Variants in PAPLN observed in about 807,000 individuals in gnomAD.
PAPLN encodes papilin, proteoglycan like sulfated glycoprotein.
PAPLN carries 146 observed loss-of-function variants against 159.0 expected under a neutral mutation model. The observed-to-expected ratio is 0.92, with a 90% CI of 0.80 to 1.05. The LOEUF is 1.05. PAPLN is among the 50% of genes least tolerant of loss of function. The pLI is 0.00. For synonymous variants in PAPLN, 734 were observed against 702.9 expected (o/e 1.04, Z -0.70); for missense variants, 1,720 against 1,743.9 (o/e 0.99, Z 0.24).
rs868053708 is a variant in PAPLN, at chr14:73,259,382, C to T, written c.1822C>T (p.Pro608Ser). The change falls in exon 16 of 27, where the codon CCC (proline) becomes TCC (serine). Residue 608 changes from proline to serine, a missense_variant. Transcript: ENST00000644200. ...AGGCACCCACCTGTCAGCCCTGGGC[C>T]CCGCTCCCTCTCTGCAGCAGCCCCC... Reference protein sequence around the residue: ...DQGTHLSALGPAPSLQQPPYQ... With the variant: ...DQGTHLSALGSAPSLQQPPYQ... 9 of 1,612,676 alleles carry T rather than the reference C, an allele frequency of 5.6e-6. No individual in the cohort carries two copies. The highest frequency in any genetic ancestry group is 6.8e-6 in the Non-Finnish European group (8 of 1,179,440).
intron 12 of PAPLN, 138 bp from the exon 13 acceptor site, chr14:73,254,375 G>A: frequency 9.5e-7 from 1 of 1,048,554 alleles, no homozygotes; most frequent in South Asian, 1.5e-5. Context: ...GAGTGAGTCA[G>A]CCTCTCTGGG....
chr14:73,248,075 C>CTG (rs71112722), intron 5 of PAPLN, among the ~76,000 whole-genome samples: 1,729 of 45,564 alleles, frequency 0.038, 133 homozygotes, highest in South Asian at 0.049. Context: ...CTCATATCCT[C>CTG]TGTGTGTGTG....
chr14:73,263,505 C>G, intron 19 of PAPLN, 140 bp from the exon 20 acceptor site: 1 of 1,063,958 alleles, frequency 9.4e-7, no homozygotes, highest in Non-Finnish European at 1.4e-6. Flanking sequence ...TGGGGCTCTG[C>G]CTCCCATAGG....
At chr14:73,264,164 G>A (rs2140296402) in intron 20 of PAPLN, 47 bp from the exon 21 acceptor site, 2 of 1,610,080 alleles carry the variant, frequency 1.2e-6, no homozygotes, top group East Asian at 4.5e-5. Context: ...ACTCACTGTT[G>A]CCCTTGGGAG....
chr14:73,270,793 G>T (rs972788925), intron 26 of PAPLN, among the ~76,000 whole-genome samples: 2 of 152,182 alleles, frequency 1.3e-5, no homozygotes, highest in African/African-American at 4.8e-5. Flanking sequence ...GGACAGACAT[G>T]GCCTCAGTCT....
At position 73,245,159 on chromosome 14, in the gene PAPLN, C is replaced by A; in HGVS notation, c.170+400C>A. The A allele has an allele frequency of 4.9e-6, 1 of 205,974 alleles. No homozygotes were observed. Among genetic ancestry groups the A allele is most frequent in the Non-Finnish European group, 9.9e-6 (1 of 100,550 alleles). The allele number at this position is 205,974 out of a possible 1,614,324, so 12.8% of individuals were successfully genotyped here. ...AATGCTTGCTGTGTGTGCTGCACTC[C>A]GGCAGGGTCAGTGGAGAAGGTGGGG... On this transcript the variant is annotated intron_variant, in intron 3 of 26. Coordinates refer to ENST00000644200, the MANE Select transcript of PAPLN (RefSeq NM_001365906.3). This position sits in a 1 kb window ranked among gnomAD's most constrained non-coding sequence, Gnocchi z 4.2.
chr14:73,257,490 G>T (rs559855872), intron 14 of PAPLN, among the ~76,000 whole-genome samples: 93 of 151,744 alleles, frequency 6.1e-4, no homozygotes, highest in African/African-American at 2.1e-3. Context: ...TTATCCATTT[G>T]CATTTTCCAA....
chr14:73,244,675 G>T lies in PAPLN; in HGVS notation c.86G>T (p.Trp29Leu). 3 of 1,595,186 alleles carry T rather than the reference G, an allele frequency of 1.9e-6. No homozygotes were observed. Among genetic ancestry groups the T allele is most frequent in the Non-Finnish European group, 2.6e-6 (3 of 1,171,616 alleles). ...AAGGTGAGGCGGCAGAGTGACACCT[G>T]GGGACCCTGGAGCCAGTGGAGCCCC... Reference protein sequence around the residue: ...APKVRRQSDTWGPWSQWSPCS... With the variant: ...APKVRRQSDTLGPWSQWSPCS... The change falls in exon 3 of 27, where the codon TGG (tryptophan) becomes TTG (leucine). Residue 29 changes from tryptophan to leucine, a missense_variant. Physicochemically the swap from Trp to Leu is moderately conservative, Grantham distance 61. Coordinates refer to ENST00000644200, the MANE Select transcript of PAPLN (RefSeq NM_001365906.3).
intron 5 of PAPLN, among the ~76,000 whole-genome samples, chr14:73,247,632 C>T (rs1163769480): frequency 7.1e-6 from 1 of 140,906 alleles, no homozygotes; most frequent in Non-Finnish European, 1.5e-5. Context: ...GGGTGTGGCC[C>T]AGTGGGAGTC....
chr14:73,264,397 G>A, intron 21 of PAPLN, 62 bp downstream of exon 21: 2 of 1,574,744 alleles, frequency 1.3e-6, no homozygotes, highest in South Asian at 2.4e-5. Context: ...AGGCCAGGAT[G>A]GGGAGCCTGA....
At chr14:73,236,543 G>A (rs1454651855), upstream of PAPLN, among the ~76,000 whole-genome samples, 3 of 152,166 alleles carry the variant, frequency 2.0e-5, no homozygotes, top group African/African-American at 7.2e-5. Flanking sequence ...AAGGCTGGGC[G>A]CAGTGGCTCA....
intron 5 of PAPLN, among the ~76,000 whole-genome samples, chr14:73,247,502 G>A (rs548826441): frequency 6.6e-6 from 1 of 151,314 alleles, no homozygotes; most frequent in Non-Finnish European, 1.5e-5. Flanking sequence ...GGCCCAGTGG[G>A]AGTCTCATAT....
rs2140311772 is a variant in PAPLN, at chr14:73,269,034, T to C, written c.3667+311T>C. Among the ~76,000 whole-genome samples, 3 of 152,284 alleles carry C rather than the reference T, an allele frequency of 2.0e-5. No individual in the cohort carries two copies. The South Asian group carries it at 6.2e-4, about 32-fold the overall frequency. ...ATTCAGACTCACCGATTTTGAGACA[T>C]ATGACTGACTGGAATTTCATTATAA... On this transcript the variant is annotated intron_variant, in intron 26 of 26. Coordinates refer to ENST00000644200, the MANE Select transcript of PAPLN (RefSeq NM_001365906.3).
At chr14:73,240,146 G>T (rs1883384165) in intron 2 of PAPLN, among the ~76,000 whole-genome samples, 1 of 152,174 alleles carries the variant, frequency 6.6e-6, no homozygotes, top group African/African-American at 2.4e-5. Flanking sequence ...GTGCAGCCAA[G>T]GTGCAGGGCT....
At position 73,248,102 on chromosome 14, in the gene PAPLN, T is replaced by TGC. The variant is rs1173704081; in HGVS notation, c.335-1881_335-1880insCG. 7.0e-4 allele frequency among the ~76,000 whole-genome samples: 76 copies of TGC among 108,596 alleles called. 2 individuals are homozygous for TGC. Among genetic ancestry groups the TGC allele is most frequent in the Middle Eastern group, 6.3e-3 (1 of 160 alleles). 71.2% of individuals were successfully genotyped at this position (108,596 alleles called of 152,430 possible). On this transcript the variant is annotated intron_variant, in intron 5 of 26. Transcript: ENST00000644200. ...GTGTGTGTGTGTGTGTGTGTGTGTGTGTGTGCGCGTGTGTGTGTTGTGGGG... is the reference window on the plus strand; with the variant it reads ...GTGTGTGTGTGTGTGTGTGTGTGTGTGCGTGTGCGCGTGTGTGTGTTGTGGGG...
At position 73,265,314 on chromosome 14, in the gene PAPLN, G is replaced by A; in HGVS notation, c.3126-56G>A. On this transcript the variant is annotated intron_variant, in intron 22 of 26. Transcript: ENST00000644200. The surrounding 1 kb of genome is among the most constrained non-coding windows in gnomAD (Gnocchi z 4.1). ...CAGGCTTGTGCAGAGGTGCCCATGG[G>A]AGTAGGCGGGGGCAACGGCAAGGGC... 2 of 1,582,880 alleles carry A rather than the reference G, an allele frequency of 1.3e-6. No individual in the cohort carries two copies. The highest frequency in any genetic ancestry group is 2.3e-5 in the South Asian group (2 of 88,488).
intron 20 of PAPLN, 73 bp from the exon 21 acceptor site, chr14:73,264,138 C>T: frequency 4.4e-6 from 7 of 1,603,782 alleles, no homozygotes; most frequent in Non-Finnish European, 5.9e-6. Flanking sequence ...GGCACGAGCA[C>T]CGAGGCGGAG....
intron 24 of PAPLN, 47 bp downstream of exon 24, chr14:73,266,675 A>C (rs1887244129): frequency 1.2e-6 from 2 of 1,614,004 alleles, no homozygotes; most frequent in African/African-American, 2.7e-5. Context: ...TGGCATGGGT[A>C]GGGCAGGATC....
intron 26 of PAPLN, among the ~76,000 whole-genome samples, chr14:73,271,328 T>C (rs1239665486): frequency 6.6e-6 from 1 of 152,084 alleles, no homozygotes; most frequent in East Asian, 1.9e-4. Flanking sequence ...GTTTGTAAGG[T>C]TGTTCGCTGC....
Sources: allele counts gnomAD v4.1 joint callset (sites outside exome capture counted in the v4.1 genomes callset), GRCh38; gene constraint gnomAD v4.1.1; non-coding constraint Gnocchi (gnomAD v3.1); transcripts MANE v1.5; gene names NCBI Gene and HGNC (gene_info 2026-07-23, HGNC 2026-07-21).